CCN6: variants seen among roughly 807,000 people sequenced by gnomAD.
CCN6 encodes CCN family member 6.
A neutral mutation model predicts 37.4 loss-of-function variants in CCN6; 31 were observed. That is an observed-to-expected ratio of 0.83 (90% CI 0.62 to 1.12). The LOEUF is 1.12. Among genes scored for constraint, CCN6 ranks in the 50% most tolerant of loss-of-function variants. CCN6 has a pLI of 0.00. For missense variants in CCN6, 369 were observed against 413.8 expected (o/e 0.89, Z 0.94); for synonymous variants, 137 against 142.1 (o/e 0.96, Z 0.26).
chr6:112,061,109 A>C lies in CCN6; in HGVS notation c.167A>C (p.Gln56Pro). ...QFCHWPCKCPQQKPRCPPGVS... is the reference protein window; with the variant it reads ...QFCHWPCKCPPQKPRCPPGVS... The stretch of plus-strand genomic sequence containing the variant: ...TGTCACTGGCCCTGCAAATGCCCTC[A>C]GCAGAAGCCCCGTTGCCCTCCTGGA... The change falls in exon 2 of 5, where the codon CAG becomes CCG. Residue 56 changes from glutamine to proline, a missense_variant. Transcript: ENST00000368666. The C allele has an allele frequency of 1.2e-6, 2 of 1,614,182 alleles. No homozygotes were observed. Among genetic ancestry groups the C allele is most frequent in the Non-Finnish European group, 8.5e-7 (1 of 1,180,018 alleles).
upstream of CCN6, among the ~76,000 whole-genome samples, chr6:112,053,595 A>G (rs2114421934): frequency 6.6e-6 from 1 of 151,672 alleles, no homozygotes; most frequent in South Asian, 2.1e-4. Flanking sequence ...GGAAAAATGG[A>G]GGTTAACTTC....
intron 3 of CCN6, 59 bp from the exon 4 acceptor site, chr6:112,068,146 A>G: frequency 7.7e-7 from 1 of 1,303,112 alleles, no homozygotes; most frequent in Non-Finnish European, 1.1e-6. Context: ...ATTAAAAATT[A>G]TCTATTTATA....
Position 112,054,334 on chromosome 6 carries a change from G to T in CCN6, c.-24G>T, listed in dbSNP as rs587667788. On this transcript the variant is annotated 5_prime_UTR_variant, in exon 1 of 5. In the 5' UTR this introduces an upstream ATG that the reference lacks. Transcript: ENST00000368666. ...CAAGCGGCGACTTCTCTACCCCTCA[G>T]GGTGGCTCCACGGTCCCAGCGACAT... 1 of 1,613,848 alleles carries T rather than the reference G, an allele frequency of 6.2e-7. No individual in the cohort carries two copies. Among genetic ancestry groups the T allele is most frequent in the African/African-American group, 1.3e-5 (1 of 74,842 alleles).
intron 3 of CCN6, 119 bp downstream of exon 3, chr6:112,065,116 T>A: frequency 6.8e-7 from 1 of 1,464,642 alleles, no homozygotes; most frequent in Non-Finnish European, 9.5e-7. Context: ...TGAGATATAG[T>A]TTGAGTGTAT....
chr6:112,068,507 G>A (rs1420701300), intron 4 of CCN6, 109 bp downstream of exon 4: 3 of 1,028,964 alleles, frequency 2.9e-6, no homozygotes, highest in Non-Finnish European at 1.4e-6. Flanking sequence ...AAAAATAAAA[G>A]CATCTCATTA....
At chr6:112,066,190 AT>A (rs1165827710) in intron 3 of CCN6, among the ~76,000 whole-genome samples, 6 of 152,184 alleles carry the variant, frequency 3.9e-5, no homozygotes, top group Non-Finnish European at 8.8e-5. Flanking sequence ...GTGAATTTGC[AT>A]TTACTATACA....
At chr6:112,054,060 T>C (rs1776273146), upstream of CCN6, 9 of 581,546 alleles carry the variant, frequency 1.5e-5, 1 homozygote, top group South Asian at 1.7e-4. Context: ...GAACAGTCAC[T>C]ACTTGCCCTG....
intron 4 of CCN6, among the ~76,000 whole-genome samples, 153 bp downstream of exon 4, chr6:112,068,551 C>A (rs1426707984): frequency 4.6e-5 from 7 of 152,072 alleles, no homozygotes; most frequent in Admixed American, 4.6e-4. Context: ...CAGAGGAAAA[C>A]AGGTATTAAC....
chr6:112,060,148 A>G (rs1776470316), intron 1 of CCN6: 3 of 1,329,144 alleles, frequency 2.3e-6, no homozygotes, highest in Non-Finnish European at 3.0e-6. Flanking sequence ...ATGCAGGGCC[A>G]TGGTGGCACT....
chr6:112,061,118 C>T lies in CCN6; in HGVS notation c.176C>T (p.Pro59Leu). Residue 59 changes from proline (P) to leucine (L), a missense_variant, in exon 2 of 5, where the codon CCC becomes CTC. By Grantham distance (98) the Pro-to-Leu change is moderately conservative. Transcript: ENST00000368666. ...CCCTGCAAATGCCCTCAGCAGAAGC[C>T]CCGTTGCCCTCCTGGAGTGAGCCTG... ...HWPCKCPQQK[P>L]RCPPGVSLVR... is the part of the protein sequence containing the mutation. The T allele has an allele frequency of 6.2e-7, 1 of 1,614,100 alleles. No homozygotes were observed. The highest frequency in any genetic ancestry group is 8.5e-7 in the Non-Finnish European group (1 of 1,180,030).
At chr6:112,055,100 G>A (rs1411972794) in intron 1 of CCN6, among the ~76,000 whole-genome samples, 4 of 152,244 alleles carry the variant, frequency 2.6e-5, no homozygotes, top group African/African-American at 9.6e-5. Context: ...AGGAGACAGA[G>A]CTTTTGAAAT....
At chr6:112,053,869 G>T (rs375325916), upstream of CCN6, among the ~76,000 whole-genome samples, 2 of 150,640 alleles carry the variant, frequency 1.3e-5, no homozygotes, top group East Asian at 4.1e-4. Flanking sequence ...TGTTGGTGGG[G>T]GGGCCAGGCC....
At chr6:112,059,339 GT>G (rs1378556967) in intron 1 of CCN6, among the ~76,000 whole-genome samples, 1 of 152,166 alleles carries the variant, frequency 6.6e-6, no homozygotes, top group African/African-American at 2.4e-5. Flanking sequence ...CCAAAAATGG[GT>G]CTTACAGGGC....
upstream of CCN6, among the ~76,000 whole-genome samples, chr6:112,053,883 A>G (rs1776269936): frequency 6.6e-6 from 1 of 151,492 alleles, no homozygotes; most frequent in Non-Finnish European, 1.5e-5. Context: ...CCAGGCCTGC[A>G]CTCTGTACGT....
At chr6:112,057,859 G>A (rs1018938601) in intron 1 of CCN6, among the ~76,000 whole-genome samples, 4 of 152,144 alleles carry the variant, frequency 2.6e-5, no homozygotes, top group Admixed American at 2.6e-4. Context: ...AGGAGATTGA[G>A]AAAGTGCGTT....
At position 112,063,470 on chromosome 6, in the gene CCN6, G is replaced by A. The variant is rs587638462; in HGVS notation, c.347-1285G>A. On this transcript the variant is annotated intron_variant, in intron 2 of 4. Coordinates refer to ENST00000368666, the MANE Select transcript of CCN6 (RefSeq NM_198239.2). Reference sequence around the variant, plus strand: ...TATGCATTGTTCATTTGGAAAATATGTTTACTGTGTTGTAGAGATGTTCAA... The same window carrying A: ...TATGCATTGTTCATTTGGAAAATATATTTACTGTGTTGTAGAGATGTTCAA... Among the ~76,000 whole-genome samples, 32 of 152,190 alleles carry A rather than the reference G, an allele frequency of 2.1e-4. No homozygotes were observed. In the South Asian group the frequency reaches 6.0e-3, roughly 29 times the overall value.
chr6:112,065,622 G>GCGCGCGCACACA (rs782269731), intron 3 of CCN6, among the ~76,000 whole-genome samples: 19 of 137,346 alleles, frequency 1.4e-4, no homozygotes, highest in East Asian at 6.1e-4. Flanking sequence ...ACACACACAC[G>GCGCGCGCACACA]CACGCACACA....
chr6:112,054,334 G>A lies in CCN6; in HGVS notation c.-24G>A, dbSNP rs587667788. 2 of 1,613,966 alleles carry A rather than the reference G, an allele frequency of 1.2e-6. No individual in the cohort carries two copies. Among genetic ancestry groups the A allele is most frequent in the African/African-American group, 2.7e-5 (2 of 74,964 alleles). On this transcript the variant is annotated 5_prime_UTR_variant, in exon 1 of 5. Coordinates refer to ENST00000368666, the MANE Select transcript of CCN6 (RefSeq NM_198239.2). ...CAAGCGGCGACTTCTCTACCCCTCA[G>A]GGTGGCTCCACGGTCCCAGCGACAT...
In CCN6 at chr6:112,061,071, G is replaced by A. The variant is rs1554312729; in HGVS notation, c.129G>A (p.Gln43=). 6.2e-7 allele frequency: 1 copy of A among 1,614,174 alleles called. No homozygotes were observed. Among genetic ancestry groups the A allele is most frequent in the Non-Finnish European group, 8.5e-7 (1 of 1,180,034 alleles). The change falls in exon 2 of 5, where the codon CAG becomes CAA. Residue 43 remains glutamine, a synonymous_variant. Coordinates refer to ENST00000368666, the MANE Select transcript of CCN6 (RefSeq NM_198239.2). ...GRPGEVSDAP[Q]RKQFCHWPCK... ...CTGGAGAAGTGTCAGATGCACCTCA[G>A]CGTAAACAGTTTTGTCACTGGCCCT...
Sources: gnomAD v4.1 joint callset for allele counts (sites outside exome capture counted in the v4.1 genomes callset) on GRCh38, gnomAD v4.1.1 for gene constraint, MANE v1.5 for transcripts, NCBI Gene and HGNC (gene_info 2026-07-23, HGNC 2026-07-21) for gene names.